Variants in LBP observed in about 807,000 individuals in gnomAD.
LBP encodes the protein lipopolysaccharide binding protein.
A neutral mutation model predicts 56.6 loss-of-function variants in LBP; 53 were observed. The observed-to-expected ratio is 0.94, with a 90% confidence interval of 0.75 to 1.18. The LOEUF (loss-of-function observed/expected upper bound fraction) is 1.18. Ranked by LOEUF, LBP falls within the 50% of genes most tolerant of loss-of-function variation. The pLI is 0.00. For synonymous variants in LBP, 227 were observed against 247.5 expected, an observed-to-expected ratio of 0.92 and a Z score of 0.78; for missense variants, 601 against 598.3, an observed-to-expected ratio of 1.00 and a Z score of -0.05.
intron 6 of LBP, among the ~76,000 whole-genome samples, chr20:38,361,321 GT>G (rs2076859323): frequency 2.0e-5 from 3 of 152,052 alleles, no homozygotes; most frequent in African/African-American, 4.8e-5. Flanking sequence ...AGACATTCAT[GT>G]ATGTATTATT....
chr20:38,376,666 T>A lies in LBP; in HGVS notation c.1443T>A (p.Val481=), dbSNP rs760304643. The A allele has an allele frequency of 6.2e-7, 1 of 1,613,694 alleles. No homozygotes were observed. Among genetic ancestry groups the A allele is most frequent in the South Asian group, 1.1e-5 (1 of 91,076 alleles). ...GTGCCAATGTCCAATACATGAGAGT[T>A]TGAGGACAAGAAAGATGAAGCTTGG... ...FLGANVQYMR[V] is the part of the protein sequence containing the mutation. Residue 481 remains valine (V), a synonymous_variant, in exon 15 of 15, where the codon GTT becomes GTA. Coordinates refer to ENST00000217407, the MANE Select transcript of LBP (RefSeq NM_004139.5).
intron 3 of LBP, among the ~76,000 whole-genome samples, chr20:38,352,762 T>A (rs1469150785): frequency 6.6e-6 from 1 of 152,082 alleles, no homozygotes; most frequent in South Asian, 2.1e-4. Context: ...CTCAAAATAA[T>A]TAATTAATTA....
In LBP at chr20:38,376,893, C is replaced by T. The variant is rs1407544480; in HGVS notation, c.*224C>T. On this transcript the variant is annotated 3_prime_UTR_variant, in exon 15 of 15. Transcript: ENST00000217407. The stretch of plus-strand genomic sequence containing the variant: ...TCCCCTCCAGGAGGGACCACCCTCC[C>T]CGACTGGCCTGGGATATCTTTACAA... The T allele has an allele frequency of 4.4e-6, 3 of 688,316 alleles. No individual in the cohort carries two copies. The highest frequency in any genetic ancestry group is 2.0e-5 in the Admixed American group (1 of 49,506). The allele number at this position is 688,316 out of a possible 1,614,324, so 42.6% of individuals were successfully genotyped here.
At chr20:38,370,879 C>T (rs2076898527) in intron 11 of LBP, 74 bp downstream of exon 11, 1 of 1,260,292 alleles carries the variant, frequency 7.9e-7, no homozygotes. Context: ...TTCTCTGTAG[C>T]TGGTGGGAGG....
At chr20:38,350,430 A>G (rs768681598) in intron 2 of LBP, among the ~76,000 whole-genome samples, 1 of 152,088 alleles carries the variant, frequency 6.6e-6, no homozygotes, top group Non-Finnish European at 1.5e-5. Context: ...GTATTGAGAG[A>G]GAGGAGGGTT....
chr20:38,368,118 A>AT (rs1016437187), intron 9 of LBP, among the ~76,000 whole-genome samples: 3 of 152,048 alleles, frequency 2.0e-5, no homozygotes, highest in Admixed American at 6.6e-5. Context: ...AAAATTAAAT[A>AT]TTTTTTTTAA....
rs2232600 is a variant in LBP at position 38,363,896 on chromosome 20, G to A, written c.653-79G>A. The stretch of plus-strand genomic sequence containing the variant: ...CTGAAGAAAGTCACAGGGAATGTGA[G>A]TCAGCCAGAGCCCTTGCCCCTCCTC... On this transcript the variant is annotated intron_variant, in intron 6 of 14. Coordinates refer to ENST00000217407, the MANE Select transcript of LBP (RefSeq NM_004139.5). The A allele has an allele frequency of 1.2e-3, 1,260 of 1,020,332 alleles. 12 individuals carry two copies. The African/African-American group carries it at 0.017, about 14-fold the overall frequency. The allele number at this position is 1,020,332 out of a possible 1,614,324, so 63.2% of individuals were successfully genotyped here.
intron 14 of LBP, 67 bp from the exon 15 acceptor site, chr20:38,376,558 A>G: frequency 6.9e-7 from 1 of 1,443,182 alleles, no homozygotes; most frequent in South Asian, 1.1e-5. Context: ...CTCCCTTTCA[A>G]TCGCAGATGC....
chr20:38,369,741 C>T (rs980084135), intron 10 of LBP, among the ~76,000 whole-genome samples: 2 of 152,214 alleles, frequency 1.3e-5, no homozygotes, highest in South Asian at 4.1e-4. Flanking sequence ...GATACAGCCT[C>T]CTGTCTCTGG....
At chr20:38,367,946 C>T (rs1265690759) in intron 9 of LBP, among the ~76,000 whole-genome samples, 1 of 151,948 alleles carries the variant, frequency 6.6e-6, no homozygotes, top group African/African-American at 2.4e-5. Flanking sequence ...AATCCTAGCA[C>T]TCTGGGAGGC....
rs1166876216 is a variant in LBP, at chr20:38,350,901, C to T, written c.330C>T (p.Ile110=). 2 of 1,614,098 alleles carry T rather than the reference C, an allele frequency of 1.2e-6. No homozygotes were observed. Among genetic ancestry groups the T allele is most frequent in the South Asian group, 2.2e-5 (2 of 91,084 alleles). Residue 110 remains isoleucine (I), a synonymous_variant, in exon 3 of 15, where the codon ATC becomes ATT. Coordinates refer to ENST00000217407, the MANE Select transcript of LBP (RefSeq NM_004139.5). ...GLSLSISDSS[I]RVQGRWKVRK... ...GTCTCAGCATCTCCGACTCCTCCAT[C>T]CGGGTCCAGGGCAGGTGGAAGGTGC...
At chr20:38,372,557 A>T (rs896249824) in intron 12 of LBP, among the ~76,000 whole-genome samples, 1 of 152,172 alleles carries the variant, frequency 6.6e-6, no homozygotes, top group Non-Finnish European at 1.5e-5. Flanking sequence ...GCTGCTGCCC[A>T]GTTTGTAGTA....
rs45534540 is a variant in LBP, at chr20:38,350,842, T to A, written c.271T>A (p.Ser91Thr). 2.2e-3 allele frequency: 3,591 copies of A among 1,613,302 alleles called. 8 individuals carry two copies. Among genetic ancestry groups the A allele is most frequent in the Non-Finnish European group, 2.8e-3 (3,289 of 1,179,404 alleles). Residue 91 changes from serine to threonine, a missense_variant, in exon 3 of 15, where the codon TCT (serine) becomes ACT (threonine). By Grantham distance (58) the Ser-to-Thr change is moderately conservative (BLOSUM62 1). Transcript: ENST00000217407. Reference sequence around the variant, plus strand: ...CATCCACAGCTGTGAGCTGCTTCACTCTGCGCTGAGGCCTGTCCCTGGCCA... The same window carrying A: ...CATCCACAGCTGTGAGCTGCTTCACACTGCGCTGAGGCCTGTCCCTGGCCA... Reference protein sequence around the residue: ...LNIHSCELLHSALRPVPGQGL... With the variant: ...LNIHSCELLHTALRPVPGQGL...
At chr20:38,348,533 G>T (rs930390090) in intron 1 of LBP, among the ~76,000 whole-genome samples, 1 of 152,056 alleles carries the variant, frequency 6.6e-6, no homozygotes, top group Non-Finnish European at 1.5e-5. Flanking sequence ...GGATGGTCTC[G>T]ATGATCCACC....
intron 9 of LBP, among the ~76,000 whole-genome samples, chr20:38,367,050 C>T (rs2076884861): frequency 6.6e-6 from 1 of 152,198 alleles, no homozygotes; most frequent in African/African-American, 2.4e-5. Context: ...TTGGTGTTAT[C>T]TAAGAATCCC....
chr20:38,355,594 T>C (rs2076836075), intron 5 of LBP, among the ~76,000 whole-genome samples, 185 bp downstream of exon 5: 1 of 152,062 alleles, frequency 6.6e-6, no homozygotes, highest in African/African-American at 2.4e-5. Flanking sequence ...GGGACAAAGC[T>C]CCAAGTCCGT....
Position 38,366,771 on chromosome 20 carries a change from A to ACCGCCTGACTCTAATAT in LBP, c.928_944dup (p.Thr318LeufsTer5). 2.5e-6 allele frequency: 4 copies of ACCGCCTGACTCTAATAT among 1,613,740 alleles called. No individual in the cohort carries two copies. Among genetic ancestry groups the ACCGCCTGACTCTAATAT allele is most frequent in the Non-Finnish European group, 3.4e-6 (4 of 1,179,772 alleles). ...TTCTTCATGTCTCTTTGCTGCAGAT[A>ACCGCCTGACTCTAATAT]CCGCCTGACTCTAATATCCGACTGA... On this transcript the variant is annotated frameshift_variant, in exon 9 of 15. Transcript: ENST00000217407. LOFTEE classifies it high-confidence loss of function.
intron 14 of LBP, 46 bp from the exon 15 acceptor site, chr20:38,376,578 GA>G (rs1472921576): frequency 1.3e-6 from 2 of 1,555,694 alleles, no homozygotes; most frequent in Non-Finnish European, 1.8e-6. Flanking sequence ...CATCTTTTTG[GA>G]GTAGAGGATG....
chr20:38,351,288 C>T (rs1034282676), intron 3 of LBP, among the ~76,000 whole-genome samples: 1 of 152,268 alleles, frequency 6.6e-6, no homozygotes, highest in Admixed American at 6.5e-5. Flanking sequence ...TGAGGAAACC[C>T]ACAGGGGAGT....
Sources: gnomAD v4.1 joint callset for allele counts (sites outside exome capture counted in the v4.1 genomes callset) on GRCh38, gnomAD v4.1.1 for gene constraint, MANE v1.5 for transcripts, NCBI Gene and HGNC (gene_info 2026-07-23, HGNC 2026-07-21) for gene names.